Variants in DCBLD2 observed in about 807,000 individuals in gnomAD.
DCBLD2 encodes the protein discoidin, CUB and LCCL domain containing 2, also known as discoidin, CUB and LCCL domain-containing protein 2.
A neutral mutation model predicts 86.8 loss-of-function variants in DCBLD2; 54 were observed. That is an observed-to-expected ratio of 0.62 (90% confidence interval 0.50 to 0.78). DCBLD2 has a LOEUF of 0.78. Ranked by LOEUF, DCBLD2 falls within the 30% of genes least tolerant of loss-of-function variation. The pLI, the probability that DCBLD2 is intolerant of heterozygous loss-of-function variation, is 0.00. For synonymous variants in DCBLD2, 354 were observed against 341.3 expected (o/e 1.04, Z -0.41); for missense variants, 908 against 954.2 (o/e 0.95, Z 0.64).
At chr3:98,866,489 T>C (rs552027713) in intron 2 of DCBLD2, among the ~76,000 whole-genome samples, 7 of 152,384 alleles carry the variant, frequency 4.6e-5, no homozygotes, top group East Asian at 1.9e-4. Context: ...CATGTGTCTT[T>C]TGGCTGCATA....
chr3:98,819,276 G>C lies in DCBLD2; in HGVS notation c.1013C>G (p.Pro338Arg). 2 of 1,612,748 alleles carry C rather than the reference G, an allele frequency of 1.2e-6. No homozygotes were observed. Among genetic ancestry groups the C allele is most frequent in the Non-Finnish European group, 1.7e-6 (2 of 1,179,362 alleles). The change falls in exon 8 of 16, where the codon CCG (proline) becomes CGG (arginine). Residue 338 changes from proline (P) to arginine (R), a missense_variant. By Grantham distance (103) the Pro-to-Arg change is moderately radical. Around this residue, in one of 3 missense-constraint regions of DCBLD2, gnomAD observed 606 missense variants for 678.5 expected, o/e 0.89. Transcript: ENST00000326840. ...ATCAGTGGCAAAAGCAGCCCAAGGC[G>C]GTCCAGGTTTTTTCAGCCTGGCTTT... is the stretch of plus-strand genomic sequence containing the variant. ...PKKARLKKPG[P>R]PWAAFATDEY...
chr3:98,822,102 C>T (rs763272167), intron 6 of DCBLD2, 126 bp downstream of exon 6: 31 of 1,172,004 alleles, frequency 2.6e-5, no homozygotes, highest in Admixed American at 1.5e-4. Flanking sequence ...GTGCTTACTG[C>T]CTAAATGTTC....
chr3:98,866,642 C>T (rs1173637549), intron 2 of DCBLD2, among the ~76,000 whole-genome samples: 3 of 152,004 alleles, frequency 2.0e-5, no homozygotes, highest in Non-Finnish European at 4.4e-5. Flanking sequence ...AAAATTTTCT[C>T]CCATTCTGTA....
At chr3:98,816,435 T>G (rs1435177771) in intron 9 of DCBLD2, 1 of 152,146 alleles carries the variant, frequency 6.6e-6, no homozygotes, top group Non-Finnish European at 1.5e-5. Flanking sequence ...AAAATAAATG[T>G]GATACAAATG....
At chr3:98,838,533 G>C (rs1026284857) in intron 3 of DCBLD2, among the ~76,000 whole-genome samples, 5 of 147,946 alleles carry the variant, frequency 3.4e-5, no homozygotes, top group African/African-American at 1.2e-4. Flanking sequence ...TGGGATGGCG[G>C]CCGGGCGGAG....
intron 3 of DCBLD2, among the ~76,000 whole-genome samples, chr3:98,848,366 C>A (rs547436394): frequency 2.0e-5 from 3 of 152,096 alleles, no homozygotes; most frequent in Non-Finnish European, 2.9e-5. Flanking sequence ...TTTATCCAGT[C>A]TATCACTGAT....
At chr3:98,870,200 T>C (rs2107510353) in intron 2 of DCBLD2, among the ~76,000 whole-genome samples, 1 of 152,310 alleles carries the variant, frequency 6.6e-6, no homozygotes, top group South Asian at 2.1e-4. Flanking sequence ...TAGGGTGTCC[T>C]TTCCCCCATT....
At chr3:98,837,814 G>A (rs1942500333) in intron 3 of DCBLD2, among the ~76,000 whole-genome samples, 3 of 137,156 alleles carry the variant, frequency 2.2e-5, no homozygotes, top group Non-Finnish European at 3.2e-5. Context: ...CTGGCCGGGC[G>A]GAGGGCTGAC....
At chr3:98,827,610 C>A (rs1942245329) in intron 3 of DCBLD2, among the ~76,000 whole-genome samples, 1 of 152,156 alleles carries the variant, frequency 6.6e-6, no homozygotes, top group South Asian at 2.1e-4. Flanking sequence ...AATAAGAATT[C>A]AAAATGGACA....
intron 1 of DCBLD2, among the ~76,000 whole-genome samples, chr3:98,894,438 G>A (rs762842409): frequency 1.3e-5 from 2 of 152,186 alleles, no homozygotes; most frequent in Non-Finnish European, 2.9e-5. Context: ...AGGAGAAAGT[G>A]TGCCCAAATT....
intron 2 of DCBLD2, among the ~76,000 whole-genome samples, chr3:98,864,351 T>C (rs911405243): frequency 1.3e-5 from 2 of 152,200 alleles, no homozygotes; most frequent in African/African-American, 2.4e-5. Flanking sequence ...ATCCCATTAC[T>C]GGGTATATAC....
intron 3 of DCBLD2, among the ~76,000 whole-genome samples, chr3:98,827,532 T>C (rs1158733265): frequency 1.3e-5 from 2 of 152,200 alleles, no homozygotes; most frequent in Non-Finnish European, 2.9e-5. Flanking sequence ...AACTATGCCA[T>C]GCAAATGTGC....
rs936048795 is a variant in DCBLD2 at position 98,799,598 on chromosome 3, A to G, written c.2102T>C (p.Phe701Ser). 7 of 1,613,878 alleles carry G rather than the reference A, an allele frequency of 4.3e-6. No individual in the cohort carries two copies. The highest frequency in any genetic ancestry group is 4.0e-5 in the African/African-American group (3 of 74,928). Reference sequence around the variant, plus strand: ...GGGAGGTTGGTTCCCCGTAGCCTTGAAAGTGGATGTGGAGGGCTGACCAAC... The same window carrying G: ...GGGAGGTTGGTTCCCCGTAGCCTTGGAAGTGGATGTGGAGGGCTGACCAAC... ...TSVGQPSTSTFKATGNQPPPL... is the reference protein window; with the variant it reads ...TSVGQPSTSTSKATGNQPPPL... Residue 701 changes from phenylalanine to serine, a missense_variant, in exon 16 of 16, where the codon TTC becomes TCC. Around this residue, in one of 3 missense-constraint regions of DCBLD2, gnomAD observed 606 missense variants for 678.5 expected, o/e 0.89. Transcript: ENST00000326840.
chr3:98,839,071 A>G (rs909515199), intron 3 of DCBLD2, among the ~76,000 whole-genome samples: 39 of 151,908 alleles, frequency 2.6e-4, no homozygotes, highest in African/African-American at 8.9e-4. Context: ...GATCCTGTTG[A>G]TCTGTGACCT....
intron 2 of DCBLD2, among the ~76,000 whole-genome samples, chr3:98,851,158 T>A (rs753619528): frequency 2.6e-5 from 4 of 152,202 alleles, no homozygotes; most frequent in Non-Finnish European, 5.9e-5. Context: ...TAAAATTGTC[T>A]TTGTTTGCAG....
In DCBLD2 at chr3:98,803,118, G is replaced by A. The variant is rs1373012395; in HGVS notation, c.1671-1469C>T. On this transcript the variant is annotated intron_variant, in intron 13 of 15. Coordinates refer to ENST00000326840, the MANE Select transcript of DCBLD2 (RefSeq NM_080927.4). Reference sequence around the variant, plus strand: ...TTGGTAGCTTGATGGGGATGGCATTGATCTATAAATTACCTTGGGCAGTAT... The same window carrying A: ...TTGGTAGCTTGATGGGGATGGCATTAATCTATAAATTACCTTGGGCAGTAT... Among the ~76,000 whole-genome samples the A allele has an allele frequency of 2.0e-5, 3 of 151,968 alleles. No individual in the cohort carries two copies. In the East Asian group the frequency reaches 5.8e-4, roughly 29 times the overall value.
At chr3:98,825,074 A>C (rs1241884034) in intron 4 of DCBLD2, among the ~76,000 whole-genome samples, 1 of 152,190 alleles carries the variant, frequency 6.6e-6, no homozygotes, top group Non-Finnish European at 1.5e-5. Flanking sequence ...TCTACTTTCA[A>C]AGCATATTAA....
At chr3:98,799,900 T>G (rs971281893) in intron 15 of DCBLD2, 59 bp from the exon 16 acceptor site, 5 of 1,407,220 alleles carry the variant, frequency 3.6e-6, no homozygotes, top group Non-Finnish European at 4.8e-6. Context: ...TTGCATAATT[T>G]AGGGTGGCAG....
chr3:98,867,337 G>A (rs1314825204), intron 2 of DCBLD2, among the ~76,000 whole-genome samples: 2 of 152,208 alleles, frequency 1.3e-5, no homozygotes, highest in Non-Finnish European at 2.9e-5. Context: ...TCCTATCCAT[G>A]AGCATGGAAT....
Sources: allele counts gnomAD v4.1 joint callset (sites outside exome capture counted in the v4.1 genomes callset), GRCh38; gene constraint gnomAD v4.1.1; regional missense constraint gnomAD v4.1.1; transcripts MANE v1.5; gene names NCBI Gene and HGNC (gene_info 2026-07-23, HGNC 2026-07-21).